THSD7B: variants seen among roughly 807,000 people sequenced by gnomAD.
THSD7B encodes thrombospondin type-1 domain-containing protein 7B.
A neutral mutation model predicts 213.6 loss-of-function variants in THSD7B; 138 were observed. The observed-to-expected ratio is 0.65, with a 90% CI of 0.56 to 0.74. THSD7B has a LOEUF of 0.74. THSD7B is among the 30% of genes least tolerant of loss of function. The probability of loss-of-function intolerance (pLI) is 0.00; values close to 1 mark genes in which losing one functional copy is unlikely to be tolerated. For missense variants in THSD7B, 1,931 were observed against 1,991.5 expected (o/e 0.97, Z 0.58); for synonymous variants, 742 against 687.0 (o/e 1.08, Z -1.25).
intron 5 of THSD7B, among the ~76,000 whole-genome samples, chr2:137,120,276 C>T (rs1688523640): frequency 6.6e-6 from 1 of 152,010 alleles, no homozygotes; most frequent in Admixed American, 6.6e-5. Flanking sequence ...AAGGGTAGCA[C>T]AAGAGAATTA....
chr2:137,328,227 C>T (rs1684416114), intron 12 of THSD7B, among the ~76,000 whole-genome samples: 1 of 152,058 alleles, frequency 6.6e-6, no homozygotes, highest in Admixed American at 6.6e-5. Context: ...ATTAAATTTG[C>T]TTAATCCTAT....
intron 12 of THSD7B, among the ~76,000 whole-genome samples, chr2:137,295,615 A>G (rs1429416622): frequency 6.6e-6 from 1 of 152,014 alleles, no homozygotes; most frequent in African/African-American, 2.4e-5. Context: ...AGCTGGGATT[A>G]CAGGCACGTG....
At chr2:137,320,968 G>A (rs1684252292) in intron 12 of THSD7B, among the ~76,000 whole-genome samples, 1 of 152,198 alleles carries the variant, frequency 6.6e-6, no homozygotes, top group Non-Finnish European at 1.5e-5. Context: ...TTCTGGCTTT[G>A]AGCGTGTGTG....
chr2:137,099,346 A>G (rs980715645), intron 4 of THSD7B, among the ~76,000 whole-genome samples: 6 of 152,152 alleles, frequency 3.9e-5, no homozygotes, highest in African/African-American at 1.4e-4. Flanking sequence ...GGGAAGGCAA[A>G]AAGCATTCTA....
chr2:137,143,032 T>C (rs1179730362), intron 5 of THSD7B, among the ~76,000 whole-genome samples: 1 of 152,078 alleles, frequency 6.6e-6, no homozygotes, highest in African/African-American at 2.4e-5. Flanking sequence ...CCTACCAAGG[T>C]ATATGTAATT....
intron 1 of THSD7B, among the ~76,000 whole-genome samples, chr2:136,804,403 AACACACACACACACACACAC>A (rs3030361): frequency 2.0e-5 from 3 of 148,096 alleles, no homozygotes; most frequent in Admixed American, 6.8e-5. Context: ...ACACACACAT[AACACACACACACACACACAC>A]ACACACACAC....
intron 15 of THSD7B, among the ~76,000 whole-genome samples, chr2:137,560,059 C>A (rs1252047211): frequency 1.4e-5 from 2 of 140,886 alleles, no homozygotes; most frequent in African/African-American, 6.0e-5. Context: ...AGTCAGGAAA[C>A]AACAGGTGCT....
chr2:136,845,588 G>A (rs1682995673), intron 1 of THSD7B, among the ~76,000 whole-genome samples: 1 of 152,114 alleles, frequency 6.6e-6, no homozygotes, highest in South Asian at 2.1e-4. Flanking sequence ...ACAAGTCATT[G>A]TTTAAATATA....
intron 2 of THSD7B, among the ~76,000 whole-genome samples, chr2:136,889,522 T>C (rs1357949856): frequency 6.6e-6 from 1 of 152,250 alleles, no homozygotes; most frequent in African/African-American, 2.4e-5. Context: ...CCATACTCTT[T>C]GTAGTGTCCG....
At chr2:137,566,877 T>C (rs112638235) in intron 16 of THSD7B, among the ~76,000 whole-genome samples, 1 of 152,290 alleles carries the variant, frequency 6.6e-6, no homozygotes, top group African/African-American at 2.4e-5. Context: ...ATCAGGAGTA[T>C]TATTTTGGCA....
chr2:136,960,827 G>A (rs539732929), intron 2 of THSD7B, among the ~76,000 whole-genome samples: 1 of 151,266 alleles, frequency 6.6e-6, no homozygotes. Flanking sequence ...CAGTGGCTCA[G>A]GCCTGTAATC....
intron 7 of THSD7B, among the ~76,000 whole-genome samples, chr2:137,222,255 C>G (rs1681387674): frequency 6.6e-6 from 1 of 152,102 alleles, no homozygotes; most frequent in Non-Finnish European, 1.5e-5. Flanking sequence ...TGGCAGGTAT[C>G]TTAGGCCTAA....
rs184183402 is a variant in THSD7B, at chr2:137,283,946, G to A, written c.2500+7920G>A. ...GTTAGGGAGAATTCCCTCTTTTTCT[G>A]TTGATTGGAATAGTTTCAGAAGGAA... On this transcript the variant is annotated intron_variant, in intron 12 of 27. Coordinates refer to ENST00000409968, the MANE Select transcript of THSD7B (RefSeq NM_001316349.2). Among the ~76,000 whole-genome samples, 530 of 152,114 alleles carry A rather than the reference G, an allele frequency of 3.5e-3. 3 individuals are homozygous for A. Among genetic ancestry groups the A allele is most frequent in the African/African-American group, 9.6e-3 (399 of 41,524 alleles).
chr2:137,062,300 AT>A (rs564842082), intron 3 of THSD7B, among the ~76,000 whole-genome samples: 1 of 150,434 alleles, frequency 6.6e-6, no homozygotes, highest in Non-Finnish European at 1.5e-5. Context: ...GGTTTTGTTG[AT>A]TTTTTTCTAT....
intron 10 of THSD7B, 66 bp from the exon 11 acceptor site, chr2:137,272,467 T>C (rs1394723980): frequency 3.4e-6 from 5 of 1,474,910 alleles, no homozygotes; most frequent in Non-Finnish European, 4.5e-6. Flanking sequence ...TTTCAATTGC[T>C]ACCTGGATTT....
At chr2:137,130,468 G>A (rs1359787939) in intron 5 of THSD7B, among the ~76,000 whole-genome samples, 1 of 151,602 alleles carries the variant, frequency 6.6e-6, no homozygotes, top group Non-Finnish European at 1.5e-5. Flanking sequence ...ATGCTGGTGT[G>A]CTGCACACAT....
intron 2 of THSD7B, among the ~76,000 whole-genome samples, chr2:137,011,295 C>T (rs962981939): frequency 5.3e-5 from 8 of 152,182 alleles, no homozygotes; most frequent in African/African-American, 1.9e-4. Context: ...AAACATCCCC[C>T]TCTTTCCTTT....
At chr2:137,062,691 T>G (rs1483345239) in intron 3 of THSD7B, among the ~76,000 whole-genome samples, 1 of 151,822 alleles carries the variant, frequency 6.6e-6, no homozygotes, top group African/African-American at 2.4e-5. Context: ...TTTCTATTCT[T>G]TTAGATTTGT....
chr2:137,598,248 T>C (rs1232308034), intron 17 of THSD7B, among the ~76,000 whole-genome samples: 1 of 152,192 alleles, frequency 6.6e-6, no homozygotes, highest in African/African-American at 2.4e-5. Flanking sequence ...TTTCCAGAAG[T>C]TGCCAATATG....
Sources: gnomAD v4.1 joint callset for allele counts (sites outside exome capture counted in the v4.1 genomes callset) on GRCh38, gnomAD v4.1.1 for gene constraint, MANE v1.5 for transcripts, NCBI Gene and HGNC (gene_info 2026-07-23, HGNC 2026-07-21) for gene names.